DLG2: variants seen among roughly 807,000 people sequenced by gnomAD.
DLG2 encodes the protein disks large homolog 2.
DLG2 carries 45 observed loss-of-function variants against 132.5 expected under a neutral mutation model. The ratio of observed to expected loss-of-function variants is 0.34; its 90% CI spans 0.27 to 0.44. The LOEUF is 0.44. Ranked by LOEUF, DLG2 falls within the 20% of genes least tolerant of loss-of-function variation. The probability of loss-of-function intolerance (pLI) is 1.00; values close to 1 mark genes in which losing one functional copy is unlikely to be tolerated. For missense variants in DLG2, 1,045 were observed against 1,196.9 expected (o/e 0.87, Z 1.87); for synonymous variants, 424 against 419.6 (o/e 1.01, Z -0.13).
chr11:85,599,520 C>T (rs893018385), intron 2 of DLG2, among the ~76,000 whole-genome samples: 1 of 116,502 alleles, frequency 8.6e-6, no homozygotes, highest in Admixed American at 9.9e-5. Context: ...CCAGATCTTA[C>T]TTACTAGCTG....
chr11:84,283,178 A>G (rs1372493180), intron 7 of DLG2, among the ~76,000 whole-genome samples: 1 of 152,208 alleles, frequency 6.6e-6, no homozygotes, highest in African/African-American at 2.4e-5. Context: ...ATAACAATGC[A>G]TATCTATCAT....
At chr11:85,247,239 A>C (rs974985223) in intron 4 of DLG2, among the ~76,000 whole-genome samples, 16 of 152,200 alleles carry the variant, frequency 1.1e-4, no homozygotes, top group African/African-American at 3.1e-4. Flanking sequence ...AGTAAAGAAA[A>C]ATAAATAAAG....
At chr11:84,259,198 G>A (rs2097520876) in intron 7 of DLG2, among the ~76,000 whole-genome samples, 1 of 151,654 alleles carries the variant, frequency 6.6e-6, no homozygotes, top group Admixed American at 6.6e-5. Flanking sequence ...TGGAACCCCT[G>A]GAGGTGGAGG....
chr11:85,585,434 G>A (rs1459239412), intron 3 of DLG2, among the ~76,000 whole-genome samples: 4 of 152,054 alleles, frequency 2.6e-5, no homozygotes, highest in Non-Finnish European at 5.9e-5. Context: ...GCTCTAAGTA[G>A]GACTTCCAAA....
At chr11:84,902,987 C>G (rs1410560172) in intron 6 of DLG2, among the ~76,000 whole-genome samples, 2 of 152,078 alleles carry the variant, frequency 1.3e-5, no homozygotes, top group African/African-American at 4.8e-5. Flanking sequence ...ATAGGTCAAG[C>G]CTTTACCTTT....
intron 17 of DLG2, among the ~76,000 whole-genome samples, chr11:83,793,078 C>T (rs1344042997): frequency 2.0e-5 from 3 of 152,076 alleles, no homozygotes; most frequent in Non-Finnish European, 4.4e-5. Context: ...TTTATTTTTA[C>T]ATAAAATCCC....
intron 5 of DLG2, among the ~76,000 whole-genome samples, chr11:85,134,786 G>A (rs1279544072): frequency 6.6e-6 from 1 of 151,908 alleles, no homozygotes; most frequent in African/African-American, 2.4e-5. Context: ...AAAAAAAGAA[G>A]AAAAGACAAG....
At chr11:85,591,668 G>T (rs1430232343) in intron 3 of DLG2, among the ~76,000 whole-genome samples, 1 of 152,182 alleles carries the variant, frequency 6.6e-6, no homozygotes, top group African/African-American at 2.4e-5. Context: ...CCTTGAATGG[G>T]AGGTGGAGGT....
At chr11:85,597,795 G>T (rs1241197667) in intron 3 of DLG2, among the ~76,000 whole-genome samples, 1 of 151,542 alleles carries the variant, frequency 6.6e-6, no homozygotes, top group Non-Finnish European at 1.5e-5. Flanking sequence ...ATATCTAGGA[G>T]ACTCAGTTAT....
intron 6 of DLG2, among the ~76,000 whole-genome samples, chr11:84,934,490 G>A (rs1380114632): frequency 1.0e-5 from 1 of 98,080 alleles, no homozygotes; most frequent in African/African-American, 4.3e-5. Context: ...CTGTGAATCT[G>A]TATGGTCCTG....
At chr11:85,490,476 A>G (rs75391575) in intron 3 of DLG2, among the ~76,000 whole-genome samples, 6,141 of 152,086 alleles carry the variant, frequency 0.04, 394 homozygotes, top group African/African-American at 0.14. Flanking sequence ...TGACAAAAAA[A>G]TCTTAATAAT....
At chr11:84,606,177 TA>T (rs1203880624) in intron 6 of DLG2, among the ~76,000 whole-genome samples, 6 of 152,166 alleles carry the variant, frequency 3.9e-5, no homozygotes, top group Admixed American at 1.3e-4. Flanking sequence ...CAGAGTGCAT[TA>T]AAAAAATGAA....
chr11:84,989,235 G>A (rs1367904941), intron 6 of DLG2, among the ~76,000 whole-genome samples: 3 of 152,156 alleles, frequency 2.0e-5, no homozygotes, highest in Admixed American at 6.5e-5. Flanking sequence ...GAGTGGAGTG[G>A]TGTAATCTCA....
chr11:84,256,600 G>A (rs1429494680), intron 7 of DLG2, among the ~76,000 whole-genome samples: 2 of 152,164 alleles, frequency 1.3e-5, no homozygotes, highest in Admixed American at 6.5e-5. Context: ...TAAATAGGTG[G>A]TAAAATAGTG....
intron 22 of DLG2, among the ~76,000 whole-genome samples, chr11:83,483,852 G>C (rs1017334827): frequency 3.9e-5 from 6 of 152,102 alleles, no homozygotes; most frequent in Non-Finnish European, 8.8e-5. Context: ...TGATAGAAAA[G>C]GCAAACCGGA....
intron 7 of DLG2, among the ~76,000 whole-genome samples, chr11:84,477,190 C>G (rs1240102639): frequency 6.6e-6 from 1 of 151,982 alleles, no homozygotes; most frequent in South Asian, 2.1e-4. Flanking sequence ...TTTGTCTTTT[C>G]CTTTTAAATA....
chr11:83,840,244 T>C (rs1192543914), intron 16 of DLG2, among the ~76,000 whole-genome samples: 2 of 152,194 alleles, frequency 1.3e-5, no homozygotes, highest in Non-Finnish European at 2.9e-5. Context: ...TCATAATTGC[T>C]CATACCTTCT....
intron 6 of DLG2, among the ~76,000 whole-genome samples, chr11:84,564,858 A>G (rs2154526769): frequency 6.6e-6 from 1 of 152,324 alleles, no homozygotes; most frequent in Non-Finnish European, 1.5e-5. Flanking sequence ...CATTCTGTCC[A>G]ATTTAGTAAT....
intron 9 of DLG2, among the ~76,000 whole-genome samples, chr11:84,141,008 T>C (rs1043943390): frequency 6.6e-6 from 1 of 152,058 alleles, no homozygotes; most frequent in African/African-American, 2.4e-5. Context: ...AAACAGAGGC[T>C]CAAAACTTAT....
Sources: allele counts gnomAD v4.1 joint callset (sites outside exome capture counted in the v4.1 genomes callset), GRCh38; gene constraint gnomAD v4.1.1; transcripts MANE v1.5; gene names NCBI Gene and HGNC (gene_info 2026-07-23, HGNC 2026-07-21).